The following VPS13A variants were observed in gnomAD, a reference collection of about 807,000 sequenced individuals.
VPS13A encodes the protein intermembrane lipid transfer protein VPS13A.
A neutral mutation model predicts 390.9 loss-of-function variants in VPS13A; 264 were observed. That is an observed-to-expected ratio of 0.68 (90% CI 0.61 to 0.75). VPS13A has a LOEUF of 0.75. Among genes scored for constraint, VPS13A ranks in the 30% least tolerant of loss-of-function variants. The pLI, the probability that VPS13A is intolerant of heterozygous loss-of-function variation, is 0.00. For synonymous variants in VPS13A, 1,231 were observed against 1,227.1 expected, an observed-to-expected ratio of 1.00 and a Z score of -0.07; for missense variants, 3,409 against 3,733.9, an observed-to-expected ratio of 0.91 and a Z score of 2.27.
At chr9:77,335,999 G>A (rs560501935) in intron 46 of VPS13A, among the ~76,000 whole-genome samples, 1 of 152,220 alleles carries the variant, frequency 6.6e-6, no homozygotes, top group Non-Finnish European at 1.5e-5. Flanking sequence ...AATGTGGCAC[G>A]TATACAGCAT....
chr9:77,397,687 G>A (rs968309706), intron 68 of VPS13A, among the ~76,000 whole-genome samples: 1 of 151,960 alleles, frequency 6.6e-6, no homozygotes, highest in Non-Finnish European at 1.5e-5. Flanking sequence ...CATTAATTTG[G>A]TTTGAATTTA....
At chr9:77,247,099 G>T (rs913839919) in intron 19 of VPS13A, among the ~76,000 whole-genome samples, 160 bp from the exon 20 acceptor site, 3 of 151,806 alleles carry the variant, frequency 2.0e-5, no homozygotes. Flanking sequence ...TGCATTGGCA[G>T]GTATTTTAAA....
At chr9:77,388,037 A>C (rs1232202175) in intron 68 of VPS13A, among the ~76,000 whole-genome samples, 1 of 152,184 alleles carries the variant, frequency 6.6e-6, no homozygotes, top group Non-Finnish European at 1.5e-5. Context: ...CGTATTTTCT[A>C]CTGCATCTTC....
chr9:77,407,308 C>G (rs1466411466), intron 70 of VPS13A, among the ~76,000 whole-genome samples: 1 of 152,130 alleles, frequency 6.6e-6, no homozygotes, highest in Admixed American at 6.5e-5. Context: ...TCACCTTAAG[C>G]TTTTTAACTT....
chr9:77,182,508 A>G (rs1373241461), intron 1 of VPS13A, among the ~76,000 whole-genome samples: 1 of 152,214 alleles, frequency 6.6e-6, no homozygotes. Context: ...GTAGGACATG[A>G]AAATATTTTT....
chr9:77,309,412 A>G (rs763639971), intron 35 of VPS13A, among the ~76,000 whole-genome samples: 1 of 152,194 alleles, frequency 6.6e-6, no homozygotes, highest in Non-Finnish European at 1.5e-5. Flanking sequence ...TTAAAGAAGT[A>G]TAGTACTCTC....
chr9:77,226,385 C>G, intron 14 of VPS13A, 81 bp from the exon 15 acceptor site: 2 of 1,328,732 alleles, frequency 1.5e-6, no homozygotes, highest in Admixed American at 3.5e-5. Context: ...AGGATAAGTT[C>G]TCAGAATGTC....
chr9:77,344,426 A>G (rs1831029669), intron 51 of VPS13A, 145 bp downstream of exon 51: 3 of 998,066 alleles, frequency 3.0e-6, no homozygotes, highest in Non-Finnish European at 4.4e-6. Flanking sequence ...TTTTTGTAGA[A>G]GGAAACAGAG....
intron 46 of VPS13A, among the ~76,000 whole-genome samples, chr9:77,334,339 A>G (rs560631425): frequency 4.7e-4 from 72 of 152,202 alleles, no homozygotes; most frequent in Non-Finnish European, 2.5e-4. Context: ...CTTGTCTCAG[A>G]TAATTTGATG....
chr9:77,323,019 A>G, intron 44 of VPS13A, 48 bp from the exon 45 acceptor site: 1 of 1,378,022 alleles, frequency 7.3e-7, no homozygotes, highest in Non-Finnish European at 1.0e-6. Flanking sequence ...TAAAATTAAT[A>G]TGTAATGAAT....
intron 67 of VPS13A, among the ~76,000 whole-genome samples, chr9:77,372,322 T>A (rs1160025747): frequency 1.3e-5 from 2 of 152,112 alleles, no homozygotes; most frequent in Non-Finnish European, 2.9e-5. Flanking sequence ...TGTTGTTTCC[T>A]GACTTTTTAA....
chr9:77,210,531 G>T (rs1204671089), intron 6 of VPS13A, 85 bp from the exon 7 acceptor site: 19 of 1,326,458 alleles, frequency 1.4e-5, no homozygotes, highest in Non-Finnish European at 2.0e-5. Flanking sequence ...GATGGGAGCC[G>T]CTGCACATTG....
At chr9:77,353,375 T>TA in intron 53 of VPS13A, 34 bp from the exon 54 acceptor site, 1 of 1,408,176 alleles carries the variant, frequency 7.1e-7, no homozygotes, top group Non-Finnish European at 9.9e-7. Context: ...TCTAATTTTT[T>TA]GGTTTTTTTT....
rs2131504689 is a variant in VPS13A, at chr9:77,339,508, T to TA, written c.6379-7dup. The TA allele has an allele frequency of 2.6e-6, 4 of 1,530,686 alleles. No individual in the cohort carries two copies. Among genetic ancestry groups the TA allele is most frequent in the Non-Finnish European group, 3.5e-6 (4 of 1,139,086 alleles). 94.8% of individuals were successfully genotyped at this position (1,530,686 alleles called of 1,614,324 possible). A position where few individuals can be genotyped will look rare whatever the true frequency, so the allele number is the denominator to read the frequency against. On this transcript the variant is annotated splice_region_variant and splice_polypyrimidine_tract_variant and intron_variant, in intron 47 of 71. Coordinates refer to ENST00000360280, the MANE Select transcript of VPS13A (RefSeq NM_033305.3). ...AATTTTGTTTTGTTTTTTTTTTTTT[T>TA]ATTACAGGGAATTGAAAATTCGGTT...
chr9:77,253,946 T>C (rs1279881827), intron 22 of VPS13A, among the ~76,000 whole-genome samples: 1 of 134,620 alleles, frequency 7.4e-6, no homozygotes, highest in Non-Finnish European at 1.6e-5. Flanking sequence ...CTTTTTTTTT[T>C]TTTTTTTTTT....
intron 21 of VPS13A, among the ~76,000 whole-genome samples, chr9:77,250,667 G>C (rs1825104279): frequency 6.6e-6 from 1 of 152,132 alleles, no homozygotes; most frequent in Non-Finnish European, 1.5e-5. Context: ...CATTGCTCAG[G>C]GCCAGAAGTA....
At chr9:77,320,720 A>G (rs1247012345) in intron 42 of VPS13A, among the ~76,000 whole-genome samples, 1 of 152,116 alleles carries the variant, frequency 6.6e-6, no homozygotes, top group Non-Finnish European at 1.5e-5. Context: ...AAAATGGTAA[A>G]GGGTATTGAT....
At chr9:77,260,285 A>C in intron 23 of VPS13A, 61 bp downstream of exon 23, 1 of 1,557,526 alleles carries the variant, frequency 6.4e-7, no homozygotes, top group Non-Finnish European at 8.8e-7. Flanking sequence ...ATAGTATTTC[A>C]AACAATCACA....
At position 77,302,995 on chromosome 9, in the gene VPS13A, A is replaced by G. The variant is rs905572753; in HGVS notation, c.3893A>G (p.Asn1298Ser). Residue 1298 changes from asparagine to serine, a missense_variant, in exon 34 of 72, where the codon AAT (asparagine) becomes AGT (serine). Around this residue, in one of 5 missense-constraint regions of VPS13A, gnomAD observed 2,717 missense variants for 2,917.4 expected, o/e 0.93. Coordinates refer to ENST00000360280, the MANE Select transcript of VPS13A (RefSeq NM_033305.3). ...PLNLEVVVER[N>S]LCWEWYQEVP... is the part of the protein sequence containing the mutation. ...AATCTTGAGGTTGTGGTTGAACGAA[A>G]TTTATGCTGGGAGTGGTACCAGGAA... 1 of 1,614,046 alleles carries G rather than the reference A, an allele frequency of 6.2e-7. No homozygotes were observed. Among genetic ancestry groups the G allele is most frequent in the Non-Finnish European group, 8.5e-7 (1 of 1,179,974 alleles).
Sources: gnomAD v4.1 joint callset for allele counts (sites outside exome capture counted in the v4.1 genomes callset) on GRCh38, gnomAD v4.1.1 for gene constraint, gnomAD v4.1.1 regional missense constraint, MANE v1.5 for transcripts, NCBI Gene and HGNC (gene_info 2026-07-23, HGNC 2026-07-21) for gene names.